DDAH1: variants seen among roughly 807,000 people sequenced by gnomAD.
DDAH1 encodes N(G),N(G)-dimethylarginine dimethylaminohydrolase 1.
DDAH1 carries 19 observed loss-of-function variants against 28.8 expected under a neutral mutation model. The observed-to-expected ratio is 0.66, with a 90% confidence interval of 0.46 to 0.97. DDAH1 has a LOEUF of 0.97. Among genes scored for constraint, DDAH1 ranks in the 50% least tolerant of loss-of-function variants. DDAH1 has a pLI of 0.00. For synonymous variants in DDAH1, 153 were observed against 154.4 expected (o/e 0.99, Z 0.07); for missense variants, 326 against 375.9 (o/e 0.87, Z 1.10).
In DDAH1 at chr1:85,358,739, C is replaced by A. The variant is rs759675276; in HGVS notation, c.403+9G>T. On this transcript the variant is annotated intron_variant, in intron 2 of 5. Coordinates refer to ENST00000284031, the MANE Select transcript of DDAH1 (RefSeq NM_012137.4). ...TATTCTTGGATAGAAAAAATAAATACAACTATACCTGTGAATAAAACATCT... is the reference window on the plus strand; with the variant it reads ...TATTCTTGGATAGAAAAAATAAATAAAACTATACCTGTGAATAAAACATCT... The A allele has an allele frequency of 2.6e-6, 4 of 1,550,962 alleles. No homozygotes were observed. In the South Asian group the frequency reaches 4.6e-5, roughly 18 times the overall value.
At chr1:85,364,699 C>T (rs1159834833) in intron 1 of DDAH1, among the ~76,000 whole-genome samples, 2 of 152,112 alleles carry the variant, frequency 1.3e-5, no homozygotes, top group African/African-American at 4.8e-5. Context: ...CTTGTGCCAC[C>T]ACACCCGGCT....
intron 1 of DDAH1, among the ~76,000 whole-genome samples, chr1:85,568,854 T>A (rs936432899): frequency 1.3e-5 from 2 of 152,126 alleles, no homozygotes; most frequent in Non-Finnish European, 2.9e-5. Context: ...TTCACCCCAG[T>A]GTGGGGCAGT....
intron 1 of DDAH1, among the ~76,000 whole-genome samples, chr1:85,443,404 G>A (rs1390835599): frequency 6.6e-6 from 1 of 152,140 alleles, no homozygotes; most frequent in Non-Finnish European, 1.5e-5. Context: ...TTTGGTACCA[G>A]TACCATGCTG....
chr1:85,542,315 C>T (rs189121346), intron 1 of DDAH1, among the ~76,000 whole-genome samples: 268 of 152,270 alleles, frequency 1.8e-3, no homozygotes, highest in Admixed American at 3.0e-3. Flanking sequence ...AGTGAATATT[C>T]CTGAAAGGCG....
chr1:85,524,053 C>T (rs1337130317), intron 1 of DDAH1, among the ~76,000 whole-genome samples: 7 of 151,538 alleles, frequency 4.6e-5, no homozygotes, highest in African/African-American at 9.7e-5. Flanking sequence ...ATTATTCATT[C>T]GACACACATT....
intron 1 of DDAH1, among the ~76,000 whole-genome samples, chr1:85,364,413 T>C (rs1167316296): frequency 6.6e-6 from 1 of 152,182 alleles, no homozygotes; most frequent in Non-Finnish European, 1.5e-5. Flanking sequence ...CACTAAGTAA[T>C]ATGAACAGAA....
chr1:85,324,716 T>A, intron 5 of DDAH1, 24 bp downstream of exon 5: 2 of 1,612,424 alleles, frequency 1.2e-6, no homozygotes, highest in South Asian at 2.2e-5. Context: ...CCAGCTGCAG[T>A]GGTCAGAAGG....
rs115687004 is a variant in DDAH1, at chr1:85,464,847, C to G, written c.199G>C (p.Ala67Pro). The change falls in exon 1 of 6, where the codon GCC becomes CCC. Residue 67 changes from alanine (A) to proline (P), a missense_variant. Physicochemically the swap from Ala to Pro is conservative, Grantham distance 27. Transcript: ENST00000284031. The surrounding 1 kb of genome is among the most constrained non-coding windows in gnomAD (Gnocchi z 4.4). ...ACGCAGTCCGGAAGGCTCTCGTCGG[C>G]CGGCAGCTCCACCACCTGCAGCCCC... ...KLGLQVVELP[A>P]DESLPDCVFV... 1.5e-3 allele frequency: 2,449 copies of G among 1,587,568 alleles called. 40 individuals carry two copies. The African/African-American group carries it at 0.031, about 20-fold the overall frequency.
At chr1:85,400,045 T>C (rs1651993558) in intron 1 of DDAH1, 2 of 152,146 alleles carry the variant, frequency 1.3e-5, no homozygotes, top group African/African-American at 2.4e-5. Context: ...CTTGGCCTTG[T>C]TTTGCTGCAT....
intron 1 of DDAH1, among the ~76,000 whole-genome samples, chr1:85,519,088 CTTTTTTTTTT>C (rs71075842): frequency 4.3e-5 from 3 of 69,130 alleles, no homozygotes; most frequent in East Asian, 4.8e-4. Flanking sequence ...AAAGACGGAT[CTTTTTTTTTT>C]TTTTTTTTTT....
At chr1:85,568,295 AG>A (rs1445157025) in intron 1 of DDAH1, among the ~76,000 whole-genome samples, 3 of 152,214 alleles carry the variant, frequency 2.0e-5, no homozygotes, top group African/African-American at 7.2e-5. Context: ...AAGCAAACAA[AG>A]GAAAGGAAAT....
intron 2 of DDAH1, among the ~76,000 whole-genome samples, chr1:85,474,737 T>C (rs1655736367): frequency 6.6e-6 from 1 of 152,148 alleles, no homozygotes; most frequent in Non-Finnish European, 1.5e-5. Context: ...AAGCAATAGA[T>C]GGCATTCCTT....
intron 1 of DDAH1, among the ~76,000 whole-genome samples, chr1:85,515,917 G>A (rs1454696420): frequency 6.6e-6 from 1 of 152,172 alleles, no homozygotes; most frequent in Non-Finnish European, 1.5e-5. Flanking sequence ...GAGAACAGAC[G>A]GCTAAGATCA....
rs556855743 is a variant in DDAH1 at position 85,531,064 on chromosome 1, G to A, written c.-122-34783C>T. 5.8e-3 allele frequency among the ~76,000 whole-genome samples: 854 copies of A among 147,896 alleles called. 9 individuals are homozygous for A. The highest frequency in any genetic ancestry group is 0.02 in the African/African-American group (807 of 40,524). On this transcript the variant is annotated intron_variant, in intron 1 of 6. Coordinates refer to the DDAH1 transcript ENST00000426972. ...TATTAGCGTATCAAAGAATCTGAGT[G>A]TATATACAATAAAGAAAGTCATTTA...
chr1:85,560,202 TCTACAATTCCGAA>T (rs1332718095), intron 1 of DDAH1, among the ~76,000 whole-genome samples: 3 of 152,058 alleles, frequency 2.0e-5, no homozygotes, highest in African/African-American at 7.2e-5. Context: ...AGCCTGTCAA[TCTACAATTCCGAA>T]CCCAGAAAAA....
intron 1 of DDAH1, among the ~76,000 whole-genome samples, chr1:85,558,792 A>G (rs1289523963): frequency 6.6e-6 from 1 of 152,208 alleles, no homozygotes; most frequent in Non-Finnish European, 1.5e-5. Flanking sequence ...TTACCAAAGA[A>G]TACATATTAT....
At chr1:85,358,959 CCACACTCATA>C in intron 1 of DDAH1, 112 bp from the exon 2 acceptor site, 1 of 689,242 alleles carries the variant, frequency 1.5e-6, no homozygotes, top group Non-Finnish European at 2.5e-6. Context: ...CCACACACAT[CCACACTCATA>C]TACACACCCA....
At chr1:85,523,998 T>A in intron 1 of DDAH1, among the ~76,000 whole-genome samples, 1 of 151,806 alleles carries the variant, frequency 6.6e-6, no homozygotes, top group East Asian at 2.0e-4. Context: ...TATCTACTGA[T>A]GTCAGGCATG....
intron 2 of DDAH1, among the ~76,000 whole-genome samples, chr1:85,354,958 G>C (rs233086): frequency 6.6e-6 from 1 of 151,978 alleles, no homozygotes; most frequent in Non-Finnish European, 1.5e-5. Flanking sequence ...AAACATTCAA[G>C]AGAAAGAGTT....
Sources: gnomAD v4.1 joint callset for allele counts (sites outside exome capture counted in the v4.1 genomes callset) on GRCh38, gnomAD v4.1.1 for gene constraint, Gnocchi (gnomAD v3.1) non-coding constraint, MANE v1.5 for transcripts, NCBI Gene and HGNC (gene_info 2026-07-23, HGNC 2026-07-21) for gene names.